Variants in CNTN1 observed in about 807,000 individuals in gnomAD.
CNTN1 encodes contactin-1.
In CNTN1, 38 loss-of-function variants were observed where a neutral mutation model predicts 126.4. That is an observed-to-expected ratio of 0.30 (90% CI 0.23 to 0.39). CNTN1 has a LOEUF of 0.39. Among genes scored for constraint, CNTN1 ranks in the 10% least tolerant of loss-of-function variants. CNTN1 has a pLI of 1.00. For synonymous variants in CNTN1, 413 were observed against 422.6 expected, an observed-to-expected ratio of 0.98 and a Z score of 0.28; for missense variants, 1,009 against 1,248.4, an observed-to-expected ratio of 0.81 and a Z score of 2.89.
chr12:40,720,003 A>ATTTTTTTTTTTTT (rs561694238), intron 1 of CNTN1, among the ~76,000 whole-genome samples: 28 of 127,232 alleles, frequency 2.2e-4, no homozygotes, highest in African/African-American at 7.8e-4. Flanking sequence ...CGCCCGGTTA[A>ATTTTTTTTTTTTT]TTTTTTTTTT....
chr12:40,862,685 G>A (rs538902988), intron 1 of CNTN1, among the ~76,000 whole-genome samples: 51 of 152,184 alleles, frequency 3.4e-4, no homozygotes, highest in African/African-American at 1.2e-3. Flanking sequence ...GTGATTGTAT[G>A]CTGTATTGTC....
At chr12:41,050,578 G>A (rs1949653105) in intron 23 of CNTN1, among the ~76,000 whole-genome samples, 1 of 152,112 alleles carries the variant, frequency 6.6e-6, no homozygotes, top group African/African-American at 2.4e-5. Context: ...CCCAACACTG[G>A]GGATTACAGT....
rs199622338 is a variant in CNTN1 at position 40,933,701 on chromosome 12, G to C, written c.808G>C (p.Val270Leu). The change falls in exon 9 of 24, where the codon GTT (valine) becomes CTT (leucine). Residue 270 changes from valine (V) to leucine (L), a missense_variant. Val to Leu is a conservative substitution (Grantham distance 32, BLOSUM62 1). Coordinates refer to ENST00000551295, the MANE Select transcript of CNTN1 (RefSeq NM_001843.4). ...CCTTGTATCTTCTATTTAAAGTCCTGTTCCGGATATCCGATGGCGGAAGGT... is the reference window on the plus strand; with the variant it reads ...CCTTGTATCTTCTATTTAAAGTCCTCTTCCGGATATCCGATGGCGGAAGGT... ...TLECFALGNP[V>L]PDIRWRKVLE... The C allele has an allele frequency of 1.2e-6, 2 of 1,612,614 alleles. No individual in the cohort carries two copies. The highest frequency in any genetic ancestry group is 2.2e-5 in the East Asian group (1 of 44,832).
At chr12:40,904,642 C>T (rs1474024861) in intron 1 of CNTN1, among the ~76,000 whole-genome samples, 1 of 151,976 alleles carries the variant, frequency 6.6e-6, no homozygotes, top group Non-Finnish European at 1.5e-5. Flanking sequence ...GTTGGCCAGG[C>T]TGGTCTCGAA....
chr12:40,778,036 A>G (rs1456437763), intron 1 of CNTN1, among the ~76,000 whole-genome samples: 2 of 151,882 alleles, frequency 1.3e-5, no homozygotes, highest in East Asian at 1.9e-4. Context: ...ACATTTCACT[A>G]CAAATCATTA....
chr12:40,872,971 A>T (rs891816090), intron 1 of CNTN1, among the ~76,000 whole-genome samples: 3 of 152,120 alleles, frequency 2.0e-5, no homozygotes, highest in African/African-American at 7.2e-5. Context: ...TTGAGAGGAA[A>T]GATAATTGCC....
chr12:40,898,612 T>G (rs1313040071), intron 1 of CNTN1, among the ~76,000 whole-genome samples: 1 of 152,144 alleles, frequency 6.6e-6, no homozygotes, highest in Non-Finnish European at 1.5e-5. Context: ...ACTTATCAGT[T>G]TAAGTACTGA....
chr12:40,805,638 G>A (rs1389522023), intron 1 of CNTN1, among the ~76,000 whole-genome samples: 2 of 152,006 alleles, frequency 1.3e-5, no homozygotes, highest in Non-Finnish European at 2.9e-5. Flanking sequence ...CTATCTGATA[G>A]TTTCAATATC....
intron 1 of CNTN1, among the ~76,000 whole-genome samples, chr12:40,876,476 A>C (rs145760833): frequency 1.1e-4 from 16 of 152,222 alleles, no homozygotes; most frequent in African/African-American, 3.6e-4. Context: ...TGATATCCAC[A>C]TCCTAGAGGC....
chr12:41,048,027 A>G (rs1212270882), intron 23 of CNTN1, among the ~76,000 whole-genome samples: 1 of 152,158 alleles, frequency 6.6e-6, no homozygotes, highest in Non-Finnish European at 1.5e-5. Context: ...GCCATATAAT[A>G]TAATTATTCC....
At chr12:41,012,482 C>T (rs2120714151) in intron 17 of CNTN1, among the ~76,000 whole-genome samples, 1 of 152,232 alleles carries the variant, frequency 6.6e-6, no homozygotes, top group African/African-American at 2.4e-5. Context: ...GCCGATAGCC[C>T]ATCAGTGGGG....
chr12:40,925,579 G>GTATATATACATGTATATA (rs1565961666), intron 6 of CNTN1, among the ~76,000 whole-genome samples: 6 of 106,230 alleles, frequency 5.6e-5, no homozygotes, highest in Middle Eastern at 4.8e-3. Flanking sequence ...ACGTATATAC[G>GTATATATACATGTATATA]TATATATACA....
chr12:40,914,297 T>G (rs1945152897), intron 3 of CNTN1, among the ~76,000 whole-genome samples: 1 of 152,170 alleles, frequency 6.6e-6, no homozygotes, highest in Admixed American at 6.5e-5. Flanking sequence ...TCTCCCTGCA[T>G]CTGAGCACCC....
At chr12:40,714,838 C>T (rs2121183738) in intron 1 of CNTN1, among the ~76,000 whole-genome samples, 1 of 152,158 alleles carries the variant, frequency 6.6e-6, no homozygotes, top group East Asian at 1.9e-4. Context: ...TGATATTTAA[C>T]TCTATGCTCT....
In CNTN1 at chr12:40,937,600, G is replaced by A. The variant is rs1449057172; in HGVS notation, c.1141G>A (p.Val381Met). The A allele has an allele frequency of 1.2e-6, 2 of 1,611,172 alleles. No homozygotes were observed. The highest frequency in any genetic ancestry group is 3.3e-5 in the Admixed American group (2 of 59,940). ...YHKGELRLYD[V>M]TFENAGMYQC... ...TAAAGGGGAATTAAGACTGTATGAT[G>A]TGACTTTTGAAAATGCCGGAATGTA... Residue 381 changes from valine to methionine, a missense_variant, in exon 11 of 24, where the codon GTG becomes ATG. Val to Met is a conservative substitution (Grantham distance 21). Transcript: ENST00000551295.
chr12:40,945,291 T>G (rs1420887789), intron 14 of CNTN1, among the ~76,000 whole-genome samples: 1 of 152,072 alleles, frequency 6.6e-6, no homozygotes, highest in Non-Finnish European at 1.5e-5. Flanking sequence ...CCAAAATTAG[T>G]CAAATTGGCA....
chr12:40,726,954 T>G (rs1486065213), intron 1 of CNTN1, among the ~76,000 whole-genome samples: 1 of 150,436 alleles, frequency 6.6e-6, no homozygotes, highest in Non-Finnish European at 1.5e-5. Flanking sequence ...TAAATAAAAT[T>G]AAATAAAAAA....
At chr12:40,813,038 C>CCTTCTTTCTTTCTTTCTTT (rs1941129210) in intron 1 of CNTN1, among the ~76,000 whole-genome samples, 34 of 84,918 alleles carry the variant, frequency 4.0e-4, no homozygotes, top group Non-Finnish European at 7.5e-4. Flanking sequence ...CTCTTTCTTT[C>CCTTCTTTCTTTCTTTCTTT]CTTTCTTTCT....
At chr12:40,787,696 GT>G (rs1940077062) in intron 1 of CNTN1, among the ~76,000 whole-genome samples, 6 of 6,720 alleles carry the variant, frequency 8.9e-4, no homozygotes, top group Admixed American at 4.1e-3. Context: ...TAAAATAACT[GT>G]GAATTTTTTC....
Sources: allele counts gnomAD v4.1 joint callset (sites outside exome capture counted in the v4.1 genomes callset), GRCh38; gene constraint gnomAD v4.1.1; transcripts MANE v1.5; gene names NCBI Gene and HGNC (gene_info 2026-07-23, HGNC 2026-07-21).